Variants in TMEM65 observed in about 807,000 individuals in gnomAD.
TMEM65 encodes the protein transmembrane protein 65.
TMEM65 carries 22 observed loss-of-function variants against 25.4 expected under a neutral mutation model. The ratio of observed to expected loss-of-function variants is 0.86; its 90% CI spans 0.62 to 1.23. The LOEUF (loss-of-function observed/expected upper bound fraction) is 1.23, where lower values mean the gene tolerates loss of function less well. TMEM65 is among the 50% of genes most tolerant of loss of function. TMEM65 has a pLI of 0.00. For missense variants in TMEM65, 262 were observed against 308.2 expected, an observed-to-expected ratio of 0.85 and a Z score of 1.12; for synonymous variants, 132 against 126.2, an observed-to-expected ratio of 1.05 and a Z score of -0.31.
rs1002832866 is a variant in TMEM65, at chr8:124,307,507, T to C, written c.*6453A>G. 6.6e-6 allele frequency: 1 copy of C among 152,142 alleles called. No individual in the cohort carries two copies. The highest frequency in any genetic ancestry group is 2.4e-5 in the African/African-American group (1 of 41,436). The allele number at this position is 152,142 out of a possible 1,614,324, so 9.4% of individuals were successfully genotyped here. A position where few individuals can be genotyped will look rare whatever the true frequency, so the allele number is the denominator to read the frequency against. On this transcript the variant is annotated 3_prime_UTR_variant, in exon 7 of 7. Transcript: ENST00000297632. ...TTACTGCATCTATACCAGCAAACCT[T>C]ACACTTTTTGTGATATACCTTTTTA...
intron 1 of TMEM65, among the ~76,000 whole-genome samples, chr8:124,367,127 A>T (rs1814948738): frequency 6.6e-6 from 1 of 152,090 alleles, no homozygotes; most frequent in African/African-American, 2.4e-5. Context: ...CCTTTTTCTT[A>T]TTGGACAAAA....
chr8:124,336,863 T>C (rs1814514525), intron 1 of TMEM65, among the ~76,000 whole-genome samples: 1 of 151,516 alleles, frequency 6.6e-6, no homozygotes, highest in Non-Finnish European at 1.5e-5. Context: ...AAAAGATCAA[T>C]AAAATTAATA....
intron 1 of TMEM65, among the ~76,000 whole-genome samples, chr8:124,360,205 C>A (rs1814841379): frequency 1.3e-5 from 2 of 151,962 alleles, no homozygotes; most frequent in South Asian, 4.2e-4. Context: ...TCGAGGCAGG[C>A]AGATCACGAG....
At chr8:124,334,983 T>C (rs986851085) in intron 1 of TMEM65, among the ~76,000 whole-genome samples, 7 of 151,924 alleles carry the variant, frequency 4.6e-5, no homozygotes, top group African/African-American at 1.2e-4. Context: ...TATATGCTAA[T>C]ATATGTATGA....
At position 124,371,855 on chromosome 8, in the gene TMEM65, T is replaced by C; in HGVS notation, c.303A>G (p.Gln101=). The C allele has an allele frequency of 6.5e-7, 1 of 1,528,192 alleles. No individual in the cohort carries two copies. The highest frequency in any genetic ancestry group is 1.9e-5 in the Admixed American group (1 of 51,944). The allele number at this position is 1,528,192 out of a possible 1,614,324, so 94.7% of individuals were successfully genotyped here. Residue 101 remains glutamine, a splice_region_variant and synonymous_variant, in exon 1 of 7, where the codon CAA becomes CAG. Transcript: ENST00000297632. Reference sequence around the variant, plus strand: ...TCGCCCCCCACCTGCCCCCCTTACCTTGGGCAATGGCAATAGACTCGAAGC... The same window carrying C: ...TCGCCCCCCACCTGCCCCCCTTACCCTGGGCAATGGCAATAGACTCGAAGC... ...LHRFESIAIA[Q]EKLEAPPPTP...
In TMEM65 at chr8:124,372,173, TG is replaced by T; in HGVS notation, c.-17del. ...GCCGGGACATGGCGAGCTGAGGAGC[TG>T]GGACCCCCGCGGCCGTCCGGCAAGG... On this transcript the variant is annotated 5_prime_UTR_variant, in exon 1 of 7. Coordinates refer to ENST00000297632, the MANE Select transcript of TMEM65 (RefSeq NM_194291.3). 1.6e-6 allele frequency: 2 copies of T among 1,257,290 alleles called. No homozygotes were observed. The highest frequency in any genetic ancestry group is 2.0e-6 in the Non-Finnish European group (2 of 994,536). The allele number at this position is 1,257,290 out of a possible 1,614,324, so 77.9% of individuals were successfully genotyped here.
intron 1 of TMEM65, chr8:124,350,916 C>T (rs1156369687): frequency 2.3e-6 from 2 of 865,058 alleles, no homozygotes; most frequent in Non-Finnish European, 2.8e-6. Context: ...TTCCATCATA[C>T]AGACAGTCAA....
chr8:124,357,443 CAAAATCTAAAG>C (rs1385661956), intron 1 of TMEM65, among the ~76,000 whole-genome samples: 1 of 152,096 alleles, frequency 6.6e-6, no homozygotes, highest in Non-Finnish European at 1.5e-5. Flanking sequence ...AAAAATCTTC[CAAAATCTAAAG>C]GAAAACTAAA....
rs1165390260 is a variant in TMEM65, at chr8:124,313,166, C to T, written c.*794G>A. 1 of 151,678 alleles carries T rather than the reference C, an allele frequency of 6.6e-6. No homozygotes were observed. The highest frequency in any genetic ancestry group is 1.5e-5 in the Non-Finnish European group (1 of 67,794). The allele number at this position is 151,678 out of a possible 1,614,324, so 9.4% of individuals were successfully genotyped here. A position where few individuals can be genotyped will look rare whatever the true frequency, so the allele number is the denominator to read the frequency against. ...CTTAGTTCAATCTAATTCCACAATC[C>T]CCATTTCAAAGACTCTAAAATAATC... On this transcript the variant is annotated 3_prime_UTR_variant, in exon 7 of 7. Transcript: ENST00000297632.
chr8:124,360,945 C>G (rs1425161825), intron 1 of TMEM65, among the ~76,000 whole-genome samples: 1 of 152,158 alleles, frequency 6.6e-6, no homozygotes, highest in Non-Finnish European at 1.5e-5. Context: ...ATAGGACTGG[C>G]TTCTGAATTG....
Position 124,315,322 on chromosome 8 carries a change from TTTG to T in TMEM65, c.622-1264_622-1262del, listed in dbSNP as rs1201676172. Among the ~76,000 whole-genome samples the T allele has an allele frequency of 2.7e-3, 404 of 150,214 alleles. 1 individual carries two copies. Among genetic ancestry groups the T allele is most frequent in the African/African-American group, 8.6e-3 (346 of 40,348 alleles). On this transcript the variant is annotated intron_variant, in intron 6 of 6. Transcript: ENST00000297632. ...AGCTATCATATCCTACAGTTTTTTT[TTTG>T]TTTGTTTTTTTTTTGAGACGGAGTC...
chr8:124,360,986 A>G (rs77918338), intron 1 of TMEM65, among the ~76,000 whole-genome samples: 1 of 152,372 alleles, frequency 6.6e-6, no homozygotes, highest in South Asian at 2.1e-4. Context: ...CATATGGCAC[A>G]GAAAGGTTAA....
At chr8:124,333,194 T>C (rs934535330) in intron 1 of TMEM65, among the ~76,000 whole-genome samples, 1 of 151,780 alleles carries the variant, frequency 6.6e-6, no homozygotes, top group Admixed American at 6.6e-5. Flanking sequence ...AAATTACCTA[T>C]AAAATACAAA....
At chr8:124,324,875 G>T (rs937188364) in intron 3 of TMEM65, among the ~76,000 whole-genome samples, 3 of 151,912 alleles carry the variant, frequency 2.0e-5, no homozygotes, top group African/African-American at 7.2e-5. Context: ...ACTAATAGTT[G>T]TCTTAAAGTT....
intron 6 of TMEM65, among the ~76,000 whole-genome samples, chr8:124,315,700 C>CTG (rs34104565): frequency 0.9 from 136,751 of 152,022 alleles, 61,607 homozygotes; most frequent in East Asian, 0.99. Context: ...TTTTTCAACT[C>CTG]TTATTTTGAG....
Position 124,311,432 on chromosome 8 carries a change from CA to C in TMEM65, c.*2527del, listed in dbSNP as rs1379243979. 1 of 152,534 alleles carries C rather than the reference CA, an allele frequency of 6.6e-6. No individual in the cohort carries two copies. Among genetic ancestry groups the C allele is most frequent in the Non-Finnish European group, 1.5e-5 (1 of 67,994 alleles). The allele number at this position is 152,534 out of a possible 1,614,324, so 9.4% of individuals were successfully genotyped here. A position where few individuals can be genotyped will look rare whatever the true frequency, so the allele number is the denominator to read the frequency against. On this transcript the variant is annotated 3_prime_UTR_variant, in exon 7 of 7. Coordinates refer to ENST00000297632, the MANE Select transcript of TMEM65 (RefSeq NM_194291.3). The stretch of plus-strand genomic sequence containing the variant: ...TTTTTGTTCAATTCCTTTGTAAAAA[CA>C]TTGGTCACCATTTAACATACATGGC...
rs575888719 is a variant in TMEM65 at position 124,365,602 on chromosome 8, G to A, written c.304+6252C>T. Among the ~76,000 whole-genome samples the A allele has an allele frequency of 2.0e-5, 3 of 151,952 alleles. No individual in the cohort carries two copies. The South Asian group carries it at 6.2e-4, about 31-fold the overall frequency. ...ATATGGCAAAAAGAATTTTGCAAGT[G>A]TAATTAAATTAAGGATTTTGAGAGA... On this transcript the variant is annotated intron_variant, in intron 1 of 6. Transcript: ENST00000297632.
rs1330396432 is a variant in TMEM65, at chr8:124,307,108, A to T, written c.*6852T>A. Reference sequence around the variant, plus strand: ...GCACTACTACCATAATTTCAGAGCTACCTCCTGTTGCTGTTGCTGTGAGCT... The same window carrying T: ...GCACTACTACCATAATTTCAGAGCTTCCTCCTGTTGCTGTTGCTGTGAGCT... On this transcript the variant is annotated 3_prime_UTR_variant, in exon 7 of 7. Coordinates refer to ENST00000297632, the MANE Select transcript of TMEM65 (RefSeq NM_194291.3). 6.6e-6 allele frequency: 1 copy of T among 152,092 alleles called. No individual in the cohort carries two copies. The highest frequency in any genetic ancestry group is 1.5e-5 in the Non-Finnish European group (1 of 68,028). The allele number at this position is 152,092 out of a possible 1,614,324, so 9.4% of individuals were successfully genotyped here.
At chr8:124,360,914 T>C (rs1814850366) in intron 1 of TMEM65, among the ~76,000 whole-genome samples, 1 of 152,220 alleles carries the variant, frequency 6.6e-6, no homozygotes, top group Non-Finnish European at 1.5e-5. Context: ...AAACTAGTTT[T>C]TAAATTGTTA....
Sources: gnomAD v4.1 joint callset for allele counts (sites outside exome capture counted in the v4.1 genomes callset) on GRCh38, gnomAD v4.1.1 for gene constraint, MANE v1.5 for transcripts, NCBI Gene and HGNC (gene_info 2026-07-23, HGNC 2026-07-21) for gene names.